Variants in MTAP observed in about 807,000 individuals in gnomAD.
MTAP encodes the protein S-methyl-5'-thioadenosine phosphorylase.
In MTAP, 33 loss-of-function variants were observed where a neutral mutation model predicts 33.6. The ratio of observed to expected loss-of-function variants is 0.98; its 90% CI spans 0.74 to 1.31. The LOEUF (loss-of-function observed/expected upper bound fraction) is 1.31, where lower values mean the gene tolerates loss of function less well. MTAP is among the 40% of genes most tolerant of loss of function. MTAP has a pLI of 0.00. For missense variants in MTAP, 367 were observed against 360.0 expected (o/e 1.02, Z -0.16); for synonymous variants, 148 against 125.7 (o/e 1.18, Z -1.19).
chr9:21,804,524 T>G (rs1245299790), intron 1 of MTAP, among the ~76,000 whole-genome samples: 1 of 152,194 alleles, frequency 6.6e-6, no homozygotes, highest in Non-Finnish European at 1.5e-5. Context: ...AAGAGGTACA[T>G]ATGGTGCTAG....
intron 1 of MTAP, among the ~76,000 whole-genome samples, chr9:21,927,459 A>T (rs746686909): frequency 1.2e-4 from 19 of 152,224 alleles, no homozygotes; most frequent in Non-Finnish European, 2.4e-4. Context: ...CACAGGTAAC[A>T]GTTGAGTGGT....
At chr9:21,882,449 T>C (rs1818030917) in intron 1 of MTAP, among the ~76,000 whole-genome samples, 1 of 152,002 alleles carries the variant, frequency 6.6e-6, no homozygotes, top group South Asian at 2.1e-4. Flanking sequence ...GAAGAGTTAA[T>C]ATTAGATTGT....
chr9:21,932,892 C>G (rs1221174972), downstream of MTAP: 2 of 152,214 alleles, frequency 1.3e-5, no homozygotes, highest in Admixed American at 1.3e-4. Flanking sequence ...CTACCCTCCT[C>G]TGCCTAATTA....
chr9:21,935,224 A>G (rs1270954818), downstream of MTAP: 1 of 152,234 alleles, frequency 6.6e-6, no homozygotes, highest in Non-Finnish European at 1.5e-5. Context: ...TAAATAGAAT[A>G]GAAATTATAA....
At chr9:21,853,563 G>C (rs1825565989) in intron 5 of MTAP, among the ~76,000 whole-genome samples, 1 of 152,188 alleles carries the variant, frequency 6.6e-6, no homozygotes. Flanking sequence ...GTGCAGGTGA[G>C]ACTTTGCCCA....
chr9:21,803,228 C>T (rs371328305), intron 1 of MTAP: 4 of 326,192 alleles, frequency 1.2e-5, no homozygotes, highest in African/African-American at 2.1e-5. Flanking sequence ...CTCCTGGTGC[C>T]TTGCGGGACT....
chr9:21,830,581 AG>A (rs1824942374), intron 4 of MTAP, among the ~76,000 whole-genome samples: 1 of 152,220 alleles, frequency 6.6e-6, no homozygotes, highest in South Asian at 2.1e-4. Context: ...CTGTCCTAAA[AG>A]AATGTCATCA....
At chr9:21,816,600 A>G (rs1824481383) in intron 2 of MTAP, 114 bp from the exon 3 acceptor site, 1 of 818,292 alleles carries the variant, frequency 1.2e-6, no homozygotes, top group South Asian at 1.8e-5. Flanking sequence ...CTCTTCTCTA[A>G]GTTGTATCCT....
At chr9:21,897,961 A>T (rs1338806817) in intron 1 of MTAP, among the ~76,000 whole-genome samples, 1 of 152,214 alleles carries the variant, frequency 6.6e-6, no homozygotes, top group Non-Finnish European at 1.5e-5. Flanking sequence ...TGGAGGCATC[A>T]CACTACCTGA....
chr9:21,907,759 C>A (rs1818498838), intron 1 of MTAP, among the ~76,000 whole-genome samples: 1 of 151,744 alleles, frequency 6.6e-6, no homozygotes. Flanking sequence ...TTTTAAATTT[C>A]CTTTACTCTT....
chr9:21,929,994 T>C, intron 1 of MTAP: 1 of 419,154 alleles, frequency 2.4e-6, no homozygotes, highest in South Asian at 2.1e-5. Flanking sequence ...AATATTATCT[T>C]TCTTCAGGCA....
intron 1 of MTAP, among the ~76,000 whole-genome samples, chr9:21,908,740 A>C (rs1245559268): frequency 6.6e-6 from 1 of 151,960 alleles, no homozygotes; most frequent in Non-Finnish European, 1.5e-5. Flanking sequence ...TGAATATTTT[A>C]AAACTTTATT....
At chr9:21,834,889 A>T (rs750030494) in intron 4 of MTAP, among the ~76,000 whole-genome samples, 1 of 152,138 alleles carries the variant, frequency 6.6e-6, no homozygotes, top group African/African-American at 2.4e-5. Context: ...ATCGCAGTCT[A>T]TTGGGAGGTA....
chr9:21,912,412 C>T (rs570188719), intron 1 of MTAP, among the ~76,000 whole-genome samples: 1 of 152,300 alleles, frequency 6.6e-6, no homozygotes, highest in African/African-American at 2.4e-5. Context: ...AATCCAGCAG[C>T]ACATCCAAAA....
At chr9:21,892,382 A>G (rs929512015) in intron 1 of MTAP, 1 of 152,194 alleles carries the variant, frequency 6.6e-6, no homozygotes, top group East Asian at 1.9e-4. Flanking sequence ...TACCCATCTC[A>G]TATGCAGTGA....
At chr9:21,877,539 C>G (rs905276294) in intron 1 of MTAP, among the ~76,000 whole-genome samples, 3 of 152,002 alleles carry the variant, frequency 2.0e-5, no homozygotes, top group African/African-American at 7.3e-5. Flanking sequence ...TCCTTCAATA[C>G]CTAGTTGATT....
intron 1 of MTAP, among the ~76,000 whole-genome samples, chr9:21,919,270 CAATT>C (rs758024617): frequency 1.1e-4 from 17 of 152,164 alleles, no homozygotes; most frequent in Non-Finnish European, 2.5e-4. Flanking sequence ...CACCCACATT[CAATT>C]GTTTTTAACT....
chr9:21,913,713 C>A (rs1818625272), intron 1 of MTAP, among the ~76,000 whole-genome samples: 1 of 152,188 alleles, frequency 6.6e-6, no homozygotes, highest in Non-Finnish European at 1.5e-5. Flanking sequence ...AGGACATAGG[C>A]ATGGGCAAGG....
At chr9:21,895,306 C>A (rs1818272275) in intron 1 of MTAP, among the ~76,000 whole-genome samples, 1 of 152,216 alleles carries the variant, frequency 6.6e-6, no homozygotes, top group African/African-American at 2.4e-5. Flanking sequence ...ACCAAAATAG[C>A]ATGGTACTTG....
Sources: gnomAD v4.1 joint callset for allele counts (sites outside exome capture counted in the v4.1 genomes callset) on GRCh38, gnomAD v4.1.1 for gene constraint, MANE v1.5 for transcripts, NCBI Gene and HGNC (gene_info 2026-07-23, HGNC 2026-07-21) for gene names.